The following MGST1 variants were observed in gnomAD, a reference collection of about 807,000 sequenced individuals.
The protein encoded by MGST1 is microsomal glutathione S-transferase 1.
In MGST1, 5 loss-of-function variants were observed where a neutral mutation model predicts 8.9. That is an observed-to-expected ratio of 0.56 (90% CI 0.29 to 1.19). The LOEUF is 1.19. Among genes scored for constraint, MGST1 ranks in the 50% most tolerant of loss-of-function variants. MGST1 has a pLI of 0.08. For missense variants in MGST1, 182 were observed against 187.4 expected, an observed-to-expected ratio of 0.97 and a Z score of 0.17; for synonymous variants, 54 against 67.8, an observed-to-expected ratio of 0.80 and a Z score of 1.00.
At position 16,585,334 on chromosome 12, in the gene MGST1, T is replaced by C. The variant is rs1392394019; in HGVS notation, n.483-4194T>C. ...AAGAAAAAGGATTTGCATATTTGTG[T>C]ATATATTTTTAAAAAGTGGATTAAC... On this transcript the variant is annotated intron_variant and non_coding_transcript_variant, in intron 4 of 4. Transcript: ENST00000538857. The surrounding 1 kb of genome is among the most constrained non-coding windows in gnomAD (Gnocchi z 4.7). Among the ~76,000 whole-genome samples, 2 of 152,194 alleles carry C rather than the reference T, an allele frequency of 1.3e-5. No homozygotes were observed. The highest frequency in any genetic ancestry group is 2.4e-5 in the African/African-American group (1 of 41,452).
intron 1 of MGST1, among the ~76,000 whole-genome samples, chr12:16,398,365 A>T (rs924291775): frequency 6.6e-6 from 1 of 152,198 alleles, no homozygotes; most frequent in Non-Finnish European, 1.5e-5. Flanking sequence ...CAAAGTTAAA[A>T]TAAGGAGCAG....
At chr12:16,494,456 A>C (rs114641738) in intron 4 of MGST1, among the ~76,000 whole-genome samples, 1,929 of 152,304 alleles carry the variant, frequency 0.013, 44 homozygotes, top group African/African-American at 0.044. Context: ...TATGACTACC[A>C]GTAATTACTT....
At chr12:16,385,565 T>C (rs977145755) in intron 1 of MGST1, among the ~76,000 whole-genome samples, 1 of 152,232 alleles carries the variant, frequency 6.6e-6, no homozygotes, top group Non-Finnish European at 1.5e-5. Context: ...TTATTAACAA[T>C]TTATTTGCAC....
At chr12:16,353,834 A>G (rs1031088810) in intron 1 of MGST1, among the ~76,000 whole-genome samples, 1 of 141,312 alleles carries the variant, frequency 7.1e-6, no homozygotes, top group African/African-American at 2.7e-5. Flanking sequence ...ATCTTGGCTC[A>G]TTGCAACCTC....
chr12:16,399,333 C>G, intron 1 of MGST1: 1 of 1,591,590 alleles, frequency 6.3e-7, no homozygotes, highest in Non-Finnish European at 8.6e-7. Flanking sequence ...GTTGGAACCA[C>G]GGTTAGAGCC....
downstream of MGST1, chr12:16,364,520 G>A (rs903167747): frequency 4.2e-5 from 19 of 455,414 alleles, no homozygotes; most frequent in African/African-American, 3.6e-4. The surrounding 1 kb of genome is among the most constrained non-coding windows in gnomAD (Gnocchi z 5.7). Flanking sequence ...AGAATCGCCA[G>A]TTGTTAACAT....
In MGST1 at chr12:16,401,458, A is replaced by G. The variant is rs1294462806; in HGVS notation, n.778+17854A>G. ...CATGACAGCATTATATACATCACATATCTTCACACCATGTCTTAATTCCTT... is the reference window on the plus strand; with the variant it reads ...CATGACAGCATTATATACATCACATGTCTTCACACCATGTCTTAATTCCTT... On this transcript the variant is annotated intron_variant and non_coding_transcript_variant, in intron 1 of 1. Transcript: ENST00000359720. This position sits in a 1 kb window ranked among gnomAD's most constrained non-coding sequence, Gnocchi z 4.3. 3.0e-5 allele frequency: 25 copies of G among 835,280 alleles called. No homozygotes were observed. In the East Asian group the frequency reaches 4.1e-4, roughly 14 times the overall value. The allele number at this position is 835,280 out of a possible 1,614,324, so 51.7% of individuals were successfully genotyped here. A position where few individuals can be genotyped will look rare whatever the true frequency, so the allele number is the denominator to read the frequency against.
chr12:16,531,784 T>C (rs2137201220), intron 4 of MGST1, among the ~76,000 whole-genome samples: 1 of 152,264 alleles, frequency 6.6e-6, no homozygotes, highest in South Asian at 2.1e-4. Context: ...TTGTGCGGTA[T>C]TGTTTCTGTG....
chr12:16,357,724 C>T, intron 3 of MGST1, 25 bp downstream of exon 3: 2 of 1,578,396 alleles, frequency 1.3e-6, no homozygotes, highest in Non-Finnish European at 1.7e-6. Context: ...CTTGAAATTA[C>T]TTACTTTATG....
chr12:16,430,011 C>A (rs116790391), intron 1 of MGST1, among the ~76,000 whole-genome samples: 1,866 of 152,290 alleles, frequency 0.012, 40 homozygotes, highest in African/African-American at 0.043. Context: ...GCTGCTTTAT[C>A]AACAAAGTTC....
chr12:16,400,888 A>G (rs1940649352), intron 1 of MGST1: 3 of 1,190,296 alleles, frequency 2.5e-6, no homozygotes, highest in East Asian at 4.7e-5. Flanking sequence ...ATGGGTGTTT[A>G]TAGGACACAT....
At chr12:16,432,731 C>CACACACACACAGAGAG (rs775306657) in intron 1 of MGST1, among the ~76,000 whole-genome samples, 3 of 132,670 alleles carry the variant, frequency 2.3e-5, no homozygotes, top group Non-Finnish European at 4.8e-5. Flanking sequence ...CACACACACA[C>CACACACACACAGAGAG]AGAGAGAGAG....
downstream of MGST1, among the ~76,000 whole-genome samples, chr12:16,591,372 T>G (rs1042036843): frequency 6.6e-6 from 1 of 152,046 alleles, no homozygotes; most frequent in Non-Finnish European, 1.5e-5. This position sits in a 1 kb window ranked among gnomAD's most constrained non-coding sequence, Gnocchi z 4.1. Flanking sequence ...TGAGGCTGTC[T>G]GCACCCCCTC....
At chr12:16,534,966 ATTTACCTTCACGTAT>A (rs1941745750) in intron 4 of MGST1, among the ~76,000 whole-genome samples, 1 of 152,028 alleles carries the variant, frequency 6.6e-6, no homozygotes, top group Non-Finnish European at 1.5e-5. Flanking sequence ...TCTTCACCCC[ATTTACCTTCACGTAT>A]TTTTGTTGTC....
intron 1 of MGST1, among the ~76,000 whole-genome samples, chr12:16,414,815 G>T (rs1399485253): frequency 1.3e-5 from 2 of 152,146 alleles, no homozygotes; most frequent in African/African-American, 2.4e-5. Context: ...TTGAGGTCAG[G>T]AGTTTGAGAC....
At chr12:16,400,891 G>A (rs1940649435) in intron 1 of MGST1, 9 of 1,194,552 alleles carry the variant, frequency 7.5e-6, no homozygotes, top group Non-Finnish European at 1.0e-5. Flanking sequence ...GGTGTTTATA[G>A]GACACATTAG....
intron 4 of MGST1, among the ~76,000 whole-genome samples, chr12:16,569,514 G>A (rs887667675): frequency 2.0e-5 from 3 of 152,074 alleles, no homozygotes; most frequent in African/African-American, 7.2e-5. Flanking sequence ...AAAGCCTTAC[G>A]AGCAGGTGTT....
At chr12:16,398,485 C>G (rs2137060125) in intron 1 of MGST1, among the ~76,000 whole-genome samples, 1 of 152,178 alleles carries the variant, frequency 6.6e-6, no homozygotes, top group East Asian at 1.9e-4. Context: ...TACATGTTGA[C>G]TTCTTTGAGC....
chr12:16,444,619 C>T (rs542083543), intron 4 of MGST1, among the ~76,000 whole-genome samples: 3 of 152,008 alleles, frequency 2.0e-5, no homozygotes, highest in East Asian at 1.9e-4. Flanking sequence ...GACTTTTTCT[C>T]CCTCCTTCAG....
Sources: allele counts gnomAD v4.1 joint callset (sites outside exome capture counted in the v4.1 genomes callset), GRCh38; gene constraint gnomAD v4.1.1; non-coding constraint Gnocchi (gnomAD v3.1); transcripts MANE v1.5; gene names NCBI Gene and HGNC (gene_info 2026-07-23, HGNC 2026-07-21).